The following ANKFN1 variants were observed in gnomAD, a reference collection of about 807,000 sequenced individuals.
The protein encoded by ANKFN1 is ankyrin repeat and fibronectin type III domain containing 1.
Under a neutral mutation model 108.7 loss-of-function variants are expected in ANKFN1, and 74 were observed. The observed-to-expected ratio is 0.68, with a 90% CI of 0.56 to 0.83. ANKFN1 has a LOEUF of 0.83. ANKFN1 is among the 40% of genes least tolerant of loss of function. The pLI, the probability that ANKFN1 is intolerant of heterozygous loss-of-function variation, is 0.00. For synonymous variants in ANKFN1, 547 were observed against 516.2 expected, an observed-to-expected ratio of 1.06 and a Z score of -0.81; for missense variants, 1,505 against 1,382.3, an observed-to-expected ratio of 1.09 and a Z score of -1.41.
chr17:56,065,060 G>T (rs9899680), intron 4 of ANKFN1, among the ~76,000 whole-genome samples: 105,321 of 152,032 alleles, frequency 0.69, 37,060 homozygotes, highest in Non-Finnish European at 0.78. Context: ...TCAGTTCTGA[G>T]GAGAGAACCT....
At chr17:56,490,806 T>A (rs1022277000) in intron 18 of ANKFN1, among the ~76,000 whole-genome samples, 4 of 151,670 alleles carry the variant, frequency 2.6e-5, no homozygotes, top group Admixed American at 2.6e-4. Context: ...GAGAAAAACC[T>A]CCTTGAAATG....
At chr17:56,498,449 G>T (rs531917299) in intron 19 of ANKFN1, among the ~76,000 whole-genome samples, 7 of 152,256 alleles carry the variant, frequency 4.6e-5, no homozygotes, top group African/African-American at 1.7e-4. Context: ...CCCTTTATAT[G>T]TATGAGCAAT....
intron 3 of ANKFN1, chr17:56,245,596 CTGA>C (rs1264781244): frequency 2.6e-5 from 4 of 152,102 alleles, no homozygotes; most frequent in Non-Finnish European, 5.9e-5. Context: ...TATTTTAAAG[CTGA>C]TAGCAAACAC....
At chr17:56,149,521 C>T (rs1408984450), upstream of ANKFN1, among the ~76,000 whole-genome samples, 3 of 152,194 alleles carry the variant, frequency 2.0e-5, no homozygotes, top group Non-Finnish European at 4.4e-5. Flanking sequence ...GCATTGTTTC[C>T]TCCTCAGGCT....
At chr17:56,320,423 C>T (rs2045330045) in intron 3 of ANKFN1, among the ~76,000 whole-genome samples, 1 of 151,990 alleles carries the variant, frequency 6.6e-6, no homozygotes, top group Non-Finnish European at 1.5e-5. Flanking sequence ...TCCTGACTGC[C>T]CTAGAGGATA....
rs527914221 is a variant in ANKFN1, at chr17:56,445,844, G to A, written c.1099+2911G>A. ...TCTGAGTTACGATCAGGAAAATCCC[G>A]ATATCGCCAGTGAATGTAAGCTCGG... On this transcript the variant is annotated intron_variant, in intron 10 of 20. Transcript: ENST00000682825. Among the ~76,000 whole-genome samples, 135 of 152,242 alleles carry A rather than the reference G, an allele frequency of 8.9e-4. No individual in the cohort carries two copies. The South Asian group carries it at 0.015, about 17-fold the overall frequency.
intron 4 of ANKFN1, among the ~76,000 whole-genome samples, chr17:56,346,647 T>C (rs1381759745): frequency 6.6e-6 from 1 of 152,044 alleles, no homozygotes; most frequent in Non-Finnish European, 1.5e-5. Context: ...AAGTTAATTT[T>C]AGCCATTTTT....
intron 3 of ANKFN1, among the ~76,000 whole-genome samples, chr17:56,319,356 G>T (rs149464947): frequency 6.6e-4 from 101 of 152,274 alleles, no homozygotes; most frequent in African/African-American, 2.4e-3. Context: ...AAATCCTAGA[G>T]TATTAACTAT....
At chr17:56,092,285 T>TTTTTTTTTC (rs60379435) in intron 4 of ANKFN1, among the ~76,000 whole-genome samples, 3 of 143,208 alleles carry the variant, frequency 2.1e-5, no homozygotes, top group African/African-American at 8.3e-5. Context: ...TTTTTTTTTT[T>TTTTTTTTTC]TTGAGATGGA....
chr17:56,467,800 AAG>A (rs1491518584), intron 15 of ANKFN1, among the ~76,000 whole-genome samples: 1,371 of 20,852 alleles, frequency 0.066, 50 homozygotes, highest in African/African-American at 0.18. Flanking sequence ...AGAAGAAAGA[AAG>A]AAAGAAAGAA....
intron 4 of ANKFN1, among the ~76,000 whole-genome samples, chr17:56,349,243 A>G (rs1386840256): frequency 6.6e-6 from 1 of 152,014 alleles, no homozygotes; most frequent in African/African-American, 2.4e-5. Context: ...GCGGGCTGGG[A>G]AGAGGGAGAG....
Position 56,511,076 on chromosome 17 carries a change from C to T in ANKFN1, c.3248C>T (p.Ala1083Val). 6.5e-7 allele frequency: 1 copy of T among 1,535,990 alleles called. No individual in the cohort carries two copies. Among genetic ancestry groups the T allele is most frequent in the South Asian group, 1.2e-5 (1 of 84,058 alleles). ...PEERNSSLQD[A>V]RPSVRRLYVE... ...GAGCGGAACAGCAGTCTCCAGGACG[C>T]GAGGCCTTCCGTCCGCCGCCTCTAC... is the stretch of plus-strand genomic sequence containing the variant. The change falls in exon 21 of 21, where the codon GCG becomes GTG. Residue 1083 changes from alanine (A) to valine (V), a missense_variant. Physicochemically the swap from Ala to Val is moderately conservative, Grantham distance 64. Transcript: ENST00000682825.
At chr17:56,368,910 G>A (rs901179761) in intron 6 of ANKFN1, among the ~76,000 whole-genome samples, 2 of 152,158 alleles carry the variant, frequency 1.3e-5, no homozygotes, top group African/African-American at 4.8e-5. Context: ...AGAGCTTTGT[G>A]ATATACTGGT....
At chr17:56,138,575 T>C (rs1907730167) in intron 4 of ANKFN1, among the ~76,000 whole-genome samples, 1 of 151,458 alleles carries the variant, frequency 6.6e-6, no homozygotes, top group Non-Finnish European at 1.5e-5. Context: ...AGTGGCATGA[T>C]CTCGGCTCAC....
intron 1 of ANKFN1, among the ~76,000 whole-genome samples, chr17:56,202,068 C>T (rs939269820): frequency 3.3e-5 from 5 of 152,178 alleles, no homozygotes; most frequent in South Asian, 2.1e-4. Flanking sequence ...TTCATCCAGT[C>T]CTTTAATCTT....
At chr17:56,501,338 C>A (rs1334774029) in intron 20 of ANKFN1, among the ~76,000 whole-genome samples, 1 of 152,110 alleles carries the variant, frequency 6.6e-6, no homozygotes, top group Admixed American at 6.6e-5. Context: ...ATAATCTGAT[C>A]TGTAAAATCA....
intron 18 of ANKFN1, among the ~76,000 whole-genome samples, chr17:56,486,474 TTATCC>T (rs2050860689): frequency 6.6e-6 from 1 of 152,214 alleles, no homozygotes; most frequent in Admixed American, 6.5e-5. Flanking sequence ...AAACTCCATC[TTATCC>T]CCAAGCAATC....
intron 4 of ANKFN1, among the ~76,000 whole-genome samples, chr17:56,342,935 G>T (rs1015455435): frequency 2.6e-5 from 4 of 151,942 alleles, no homozygotes; most frequent in African/African-American, 9.7e-5. Context: ...TCTCTTTGAA[G>T]GTCTCTAAGA....
intron 4 of ANKFN1, among the ~76,000 whole-genome samples, chr17:56,091,420 A>T (rs1196228512): frequency 2.4e-5 from 1 of 41,426 alleles, no homozygotes; most frequent in African/African-American, 2.0e-4. Context: ...CAAACAAATC[A>T]CACACACACA....
Sources: allele counts gnomAD v4.1 joint callset (sites outside exome capture counted in the v4.1 genomes callset), GRCh38; gene constraint gnomAD v4.1.1; transcripts MANE v1.5; gene names NCBI Gene and HGNC (gene_info 2026-07-23, HGNC 2026-07-21).